Variants in EYS observed in about 807,000 individuals in gnomAD.
EYS encodes the protein protein eyes shut homolog.
EYS carries 250 observed loss-of-function variants against 282.1 expected under a neutral mutation model. The ratio of observed to expected loss-of-function variants is 0.89; its 90% CI spans 0.80 to 0.98. EYS has a LOEUF of 0.98. Among genes scored for constraint, EYS ranks in the 50% least tolerant of loss-of-function variants. The pLI is 0.00. For missense variants in EYS, 4,016 were observed against 3,709.0 expected, an observed-to-expected ratio of 1.08 and a Z score of -2.15; for synonymous variants, 1,355 against 1,282.9, an observed-to-expected ratio of 1.06 and a Z score of -1.20.
chr6:64,744,061 T>C (rs1397980820), intron 22 of EYS, among the ~76,000 whole-genome samples: 1 of 152,134 alleles, frequency 6.6e-6, no homozygotes, highest in Admixed American at 6.5e-5. Context: ...ATTGATGAAA[T>C]ATGTGGCTTA....
At chr6:65,564,651 G>A (rs1342485173) in intron 2 of EYS, among the ~76,000 whole-genome samples, 2 of 151,954 alleles carry the variant, frequency 1.3e-5, no homozygotes, top group Non-Finnish European at 2.9e-5. Context: ...TTTAACATAA[G>A]ACCTAAAACC....
At chr6:64,350,183 G>C (rs969083747) in intron 29 of EYS, among the ~76,000 whole-genome samples, 1 of 151,236 alleles carries the variant, frequency 6.6e-6, no homozygotes, top group Non-Finnish European at 1.5e-5. Context: ...ATATTCTTCA[G>C]ATCATCGTAT....
At chr6:65,141,649 G>GTCTGTCTATGTA (rs1216509536) in intron 12 of EYS, among the ~76,000 whole-genome samples, 1 of 131,252 alleles carries the variant, frequency 7.6e-6, no homozygotes, top group African/African-American at 3.2e-5. Context: ...CTGTCTGTCT[G>GTCTGTCTATGTA]TCTATCTATC....
At chr6:64,712,820 A>T (rs1054855028) in intron 22 of EYS, among the ~76,000 whole-genome samples, 1 of 152,200 alleles carries the variant, frequency 6.6e-6, no homozygotes, top group Admixed American at 6.5e-5. Context: ...CTGCAAAAGA[A>T]ACTGAAATGC....
chr6:65,029,983 T>C (rs1772545648), intron 13 of EYS, among the ~76,000 whole-genome samples: 1 of 152,144 alleles, frequency 6.6e-6, no homozygotes. Context: ...GGACACCTCA[T>C]GGCCACCATG....
At position 64,428,553 on chromosome 6, in the gene EYS, G is replaced by A. The variant is rs143450880; in HGVS notation, c.5927+7621C>T. Among the ~76,000 whole-genome samples the A allele has an allele frequency of 3.7e-3, 566 of 152,174 alleles. 2 individuals carry two copies. Among genetic ancestry groups the A allele is most frequent in the African/African-American group, 0.013 (535 of 41,534 alleles). ...TATTTCAGGTAAAATTGAAGGACACGAGTAATCAGTGGATACCTGTTGAAG... is the reference window on the plus strand; with the variant it reads ...TATTTCAGGTAAAATTGAAGGACACAAGTAATCAGTGGATACCTGTTGAAG... On this transcript the variant is annotated intron_variant, in intron 28 of 42. Transcript: ENST00000503581.
At chr6:64,619,655 T>G (rs1767383765) in intron 23 of EYS, among the ~76,000 whole-genome samples, 1 of 152,104 alleles carries the variant, frequency 6.6e-6, no homozygotes, top group Non-Finnish European at 1.5e-5. Context: ...TTGTCTTTCA[T>G]TGTTGTTGTT....
chr6:64,666,675 C>A (rs772427296), intron 22 of EYS, among the ~76,000 whole-genome samples: 1 of 152,046 alleles, frequency 6.6e-6, no homozygotes, highest in African/African-American at 2.4e-5. Flanking sequence ...CTTGTGTTTC[C>A]AGTCCTAACT....
At chr6:64,678,111 T>C (rs1769757550) in intron 22 of EYS, among the ~76,000 whole-genome samples, 1 of 152,174 alleles carries the variant, frequency 6.6e-6, no homozygotes, top group Non-Finnish European at 1.5e-5. Flanking sequence ...GGCCACTGAG[T>C]CCATTCAGGC....
chr6:65,258,527 A>AC (rs1767533235), intron 12 of EYS, among the ~76,000 whole-genome samples: 1 of 152,062 alleles, frequency 6.6e-6, no homozygotes, highest in Non-Finnish European at 1.5e-5. Context: ...GATGTAGTAT[A>AC]TGTCACAAGC....
At chr6:64,109,002 CACGT>C (rs1486465940) in intron 31 of EYS, among the ~76,000 whole-genome samples, 20 of 152,178 alleles carry the variant, frequency 1.3e-4, no homozygotes, top group Middle Eastern at 3.4e-3. Flanking sequence ...AAGTAAAGGT[CACGT>C]AACACTCTCA....
chr6:64,840,051 T>C (rs535098751), intron 19 of EYS, among the ~76,000 whole-genome samples: 2 of 152,194 alleles, frequency 1.3e-5, no homozygotes, highest in Non-Finnish European at 2.9e-5. Context: ...ACTCACGTGA[T>C]GTGTAGCACT....
At chr6:65,324,077 A>C (rs1769550927) in intron 11 of EYS, among the ~76,000 whole-genome samples, 1 of 151,250 alleles carries the variant, frequency 6.6e-6, no homozygotes, top group Admixed American at 6.6e-5. Context: ...GAAATCTATC[A>C]CTTTATTCCC....
intron 22 of EYS, among the ~76,000 whole-genome samples, chr6:64,799,303 G>A (rs572455672): frequency 4.0e-5 from 6 of 151,666 alleles, no homozygotes; most frequent in African/African-American, 1.2e-4. Flanking sequence ...AATGTGATAA[G>A]CTCATCCTTT....
At chr6:64,106,391 A>G (rs1455885713) in intron 31 of EYS, among the ~76,000 whole-genome samples, 1 of 152,170 alleles carries the variant, frequency 6.6e-6, no homozygotes, top group Non-Finnish European at 1.5e-5. Context: ...AAAAAATATG[A>G]ACAGATCTTT....
intron 19 of EYS, among the ~76,000 whole-genome samples, chr6:64,885,782 G>GT (rs1767066606): frequency 6.6e-6 from 1 of 151,668 alleles, no homozygotes; most frequent in South Asian, 2.1e-4. Flanking sequence ...TTAAGGTCAC[G>GT]TAACTTTCTC....
chr6:65,566,621 C>A (rs1769289622), intron 2 of EYS, among the ~76,000 whole-genome samples: 1 of 151,986 alleles, frequency 6.6e-6, no homozygotes, highest in Non-Finnish European at 1.5e-5. Flanking sequence ...CCACCAGTAA[C>A]AAAAGTTAAA....
In EYS at chr6:65,273,850, C is replaced by T. The variant is rs576304523; in HGVS notation, c.2023+22013G>A. 2.9e-4 allele frequency among the ~76,000 whole-genome samples: 44 copies of T among 152,280 alleles called. No homozygotes were observed. The South Asian group carries it at 6.8e-3, about 24-fold the overall frequency. On this transcript the variant is annotated intron_variant, in intron 12 of 42. Coordinates refer to ENST00000503581, the MANE Select transcript of EYS (RefSeq NM_001142800.2). ...TGTATGCGAATCCACTGAGCCAGTG[C>T]GTACCTAAAATAAACAATCCTCCTG...
chr6:64,628,747 C>T (rs4710280), intron 22 of EYS, among the ~76,000 whole-genome samples: 69,952 of 151,948 alleles, frequency 0.46, 16,445 homozygotes, highest in South Asian at 0.57. Flanking sequence ...TTTTAATTTT[C>T]ATTGCAAAGG....
Sources: allele counts gnomAD v4.1 joint callset (sites outside exome capture counted in the v4.1 genomes callset), GRCh38; gene constraint gnomAD v4.1.1; transcripts MANE v1.5; gene names NCBI Gene and HGNC (gene_info 2026-07-23, HGNC 2026-07-21).